The following KIF1A variants were observed in gnomAD, a reference collection of about 807,000 sequenced individuals.
KIF1A encodes kinesin-like protein KIF1A.
Under a neutral mutation model 227.3 loss-of-function variants are expected in KIF1A, and 46 were observed. The observed-to-expected ratio is 0.20, with a 90% CI of 0.16 to 0.26. The LOEUF is 0.26. Ranked by LOEUF, KIF1A falls within the 10% of genes least tolerant of loss-of-function variation. The pLI is 1.00. For synonymous variants in KIF1A, 1,022 were observed against 1,012.8 expected (o/e 1.01, Z -0.17); for missense variants, 1,683 against 2,485.9 (o/e 0.68, Z 6.87).
At position 240,766,751 on chromosome 2, in the gene KIF1A, A is replaced by T. The variant is rs544175909; in HGVS notation, c.1684+164T>A. 5.7e-3 allele frequency among the ~76,000 whole-genome samples: 651 copies of T among 114,710 alleles called. 1 individual carries two copies. Among genetic ancestry groups the T allele is most frequent in the Middle Eastern group, 0.014 (3 of 216 alleles). The allele number at this position is 114,710 out of a possible 152,430, so 75.3% of individuals were successfully genotyped here. On this transcript the variant is annotated intron_variant, in intron 19 of 48. Coordinates refer to ENST00000498729, the MANE Select transcript of KIF1A (RefSeq NM_001244008.2). The surrounding 1 kb of genome is among the most constrained non-coding windows in gnomAD (Gnocchi z 5.0). ...CTCTCTCTCTCTCTCTCTCTCTCTCACACACACACACACACACACACACAC... is the reference window on the plus strand; with the variant it reads ...CTCTCTCTCTCTCTCTCTCTCTCTCTCACACACACACACACACACACACAC...
intron 27 of KIF1A, among the ~76,000 whole-genome samples, 186 bp from the exon 28 acceptor site, chr2:240,750,733 G>A: frequency 6.6e-6 from 1 of 152,308 alleles, no homozygotes; most frequent in South Asian, 2.1e-4. Context: ...GCACTCACAG[G>A]AGACAGGAGG....
rs369540248 is a variant in KIF1A, at chr2:240,729,031, G to A, written c.4008-2091C>T. The stretch of plus-strand genomic sequence containing the variant: ...ACGTCAGCATCCCTGTCTGGAACAC[G>A]TCAGCATCGCTGTCTGGTACACGTC... On this transcript the variant is annotated intron_variant, in intron 38 of 48. Coordinates refer to ENST00000498729, the MANE Select transcript of KIF1A (RefSeq NM_001244008.2). Among the ~76,000 whole-genome samples the A allele has an allele frequency of 7.9e-5, 12 of 152,276 alleles. No individual in the cohort carries two copies. In the East Asian group the frequency reaches 1.2e-3, roughly 15 times the overall value.
chr2:240,816,149 A>AGTGTGT (rs71282124), intron 1 of KIF1A, among the ~76,000 whole-genome samples: 77,214 of 150,366 alleles, frequency 0.51, 20,315 homozygotes, highest in East Asian at 0.67. Flanking sequence ...AGGGATGCAG[A>AGTGTGT]GTGTGTGTGT....
chr2:240,783,215 C>G, intron 8 of KIF1A, 106 bp from the exon 9 acceptor site: 1 of 878,834 alleles, frequency 1.1e-6, no homozygotes, highest in Non-Finnish European at 1.9e-6. Flanking sequence ...TGGAGGCCAC[C>G]ACTGCAGCTG....
At chr2:240,786,138 G>A (rs1305673089) in intron 6 of KIF1A, among the ~76,000 whole-genome samples, 197 bp downstream of exon 6, 1 of 152,196 alleles carries the variant, frequency 6.6e-6, no homozygotes, top group East Asian at 1.9e-4. Context: ...AGGTGACAGT[G>A]TCCCCTGCAC....
At chr2:240,799,599 C>T (rs999884779) in intron 1 of KIF1A, among the ~76,000 whole-genome samples, 1 of 152,178 alleles carries the variant, frequency 6.6e-6, no homozygotes, top group African/African-American at 2.4e-5. Flanking sequence ...GGGGGGATGA[C>T]CTCTGAGAAT....
At position 240,786,285 on chromosome 2, in the gene KIF1A, G is replaced by C. The variant is rs577513771; in HGVS notation, c.608+50C>G. On this transcript the variant is annotated intron_variant, in intron 6 of 48. Transcript: ENST00000498729. ...GAGGTGAAGGGGCTTCCTCCGGGGA[G>C]AGGCGGCAGGACAGGAGGGCAGGGA... The C allele has an allele frequency of 5.1e-6, 8 of 1,563,614 alleles. No individual in the cohort carries two copies. In the African/African-American group the frequency reaches 1.1e-4, roughly 21 times the overall value.
chr2:240,745,706 A>T, intron 31 of KIF1A, 32 bp downstream of exon 31: 1 of 1,596,888 alleles, frequency 6.3e-7, no homozygotes, highest in Non-Finnish European at 8.6e-7. Flanking sequence ...GTCCCTGCGC[A>T]GCGCAGGGAC....
intron 6 of KIF1A, 86 bp downstream of exon 6, chr2:240,786,249 G>A: frequency 2.2e-6 from 3 of 1,354,220 alleles, no homozygotes; most frequent in Non-Finnish European, 3.1e-6. Flanking sequence ...CTACCAAAAA[G>A]GGCCAGGACC....
At chr2:240,765,077 C>G (rs1272978776) in intron 20 of KIF1A, among the ~76,000 whole-genome samples, 2 of 152,258 alleles carry the variant, frequency 1.3e-5, no homozygotes, top group Non-Finnish European at 2.9e-5. Context: ...CGGTACATGT[C>G]TACAGCCATG....
chr2:240,807,084 G>GTC (rs2057467611), intron 1 of KIF1A, among the ~76,000 whole-genome samples: 1 of 115,862 alleles, frequency 8.6e-6, no homozygotes, highest in Admixed American at 8.6e-5. Context: ...ATATATGTGT[G>GTC]TGTGTGTGTG....
intron 29 of KIF1A, 148 bp from the exon 30 acceptor site, chr2:240,746,325 C>G: frequency 1.1e-6 from 1 of 902,938 alleles, no homozygotes; most frequent in Non-Finnish European, 1.7e-6. Flanking sequence ...CTGTGCCTGC[C>G]TTGTAGGGGG....
chr2:240,741,264 C>A lies in KIF1A; in HGVS notation c.3749+5G>T. 1 of 1,576,742 alleles carries A rather than the reference C, an allele frequency of 6.3e-7. No homozygotes were observed. The highest frequency in any genetic ancestry group is 8.6e-7 in the Non-Finnish European group (1 of 1,164,074). Reference sequence around the variant, plus strand: ...CGCCCTGGGGGCCCCAGCACCAGCACTCACTCGCCGTTGGCCTCCAGCTCA... The same window carrying A: ...CGCCCTGGGGGCCCCAGCACCAGCAATCACTCGCCGTTGGCCTCCAGCTCA... On this transcript the variant is annotated splice_donor_5th_base_variant and intron_variant, in intron 35 of 48. Transcript: ENST00000498729.
At chr2:240,732,745 T>C (rs1246650633) in intron 38 of KIF1A, among the ~76,000 whole-genome samples, 1 of 58,550 alleles carries the variant, frequency 1.7e-5, no homozygotes. Flanking sequence ...GAGGGAGGGA[T>C]GAAGGGATAA....
intron 38 of KIF1A, among the ~76,000 whole-genome samples, chr2:240,731,223 G>T (rs1467909962): frequency 1.3e-5 from 2 of 152,178 alleles, no homozygotes; most frequent in Non-Finnish European, 2.9e-5. Context: ...AGCCCACCAA[G>T]GACTTAGACA....
intron 35 of KIF1A, 52 bp downstream of exon 35, chr2:240,741,217 C>G: frequency 7.8e-7 from 1 of 1,285,216 alleles, no homozygotes; most frequent in Non-Finnish European, 1.1e-6. Context: ...TCCCTCTCCG[C>G]GCACCCCCCG....
rs1447106610 is a variant in KIF1A, at chr2:240,750,425, G to A, written c.2977+4C>T. On this transcript the variant is annotated splice_donor_region_variant and intron_variant, in intron 28 of 48. Coordinates refer to ENST00000498729, the MANE Select transcript of KIF1A (RefSeq NM_001244008.2). The stretch of plus-strand genomic sequence containing the variant: ...GCCACACACGGCCTTTGGCCCACAC[G>A]CACCTGAGATGGCCTGGACGGCCAC... 6.8e-6 allele frequency: 11 copies of A among 1,607,688 alleles called. No homozygotes were observed. Among genetic ancestry groups the A allele is most frequent in the South Asian group, 1.1e-5 (1 of 90,894 alleles).
rs2052426677 is a variant in KIF1A, at chr2:240,774,276, C to A, written c.959-15G>T. The A allele has an allele frequency of 6.3e-7, 1 of 1,588,336 alleles. No homozygotes were observed. Among genetic ancestry groups the A allele is most frequent in the East Asian group, 2.2e-5 (1 of 44,610 alleles). ...TGAGTTACCGCCTGTGGGAAGAAGA[C>A]CAGGTTGTGCCCAGAGGGGGATCTA... On this transcript the variant is annotated splice_polypyrimidine_tract_variant and intron_variant, in intron 11 of 48. Transcript: ENST00000498729.
chr2:240,727,420 GAGTA>G (rs1466731418), intron 38 of KIF1A, among the ~76,000 whole-genome samples: 1 of 152,114 alleles, frequency 6.6e-6, no homozygotes, highest in Non-Finnish European at 1.5e-5. Flanking sequence ...GCCTCAGTCT[GAGTA>G]AGGAGGCGCC....
Sources: allele counts gnomAD v4.1 joint callset (sites outside exome capture counted in the v4.1 genomes callset), GRCh38; gene constraint gnomAD v4.1.1; non-coding constraint Gnocchi (gnomAD v3.1); transcripts MANE v1.5; gene names NCBI Gene and HGNC (gene_info 2026-07-23, HGNC 2026-07-21).